Variants in VPS54 observed in about 807,000 individuals in gnomAD.
VPS54 encodes VPS54 subunit of GARP complex.
Under a neutral mutation model 121.5 loss-of-function variants are expected in VPS54, and 45 were observed. The ratio of observed to expected loss-of-function variants is 0.37; its 90% CI spans 0.29 to 0.47. The LOEUF is 0.47. Among genes scored for constraint, VPS54 ranks in the 20% least tolerant of loss-of-function variants. VPS54 has a pLI of 0.99. For synonymous variants in VPS54, 371 were observed against 385.8 expected (o/e 0.96, Z 0.45); for missense variants, 1,090 against 1,131.4 (o/e 0.96, Z 0.52).
chr2:64,007,096 A>G (rs985355755), intron 1 of VPS54, among the ~76,000 whole-genome samples: 4 of 152,246 alleles, frequency 2.6e-5, no homozygotes, highest in African/African-American at 9.6e-5. Flanking sequence ...GAGGGAAAAC[A>G]GCAATAACAA....
chr2:64,015,122 G>C (rs1316337229), intron 1 of VPS54, among the ~76,000 whole-genome samples: 2 of 142,328 alleles, frequency 1.4e-5, no homozygotes, highest in Admixed American at 7.0e-5. Flanking sequence ...AAGCTGCCAG[G>C]AAAAAAAAAA....
At chr2:64,007,687 G>A (rs1678224886) in intron 1 of VPS54, among the ~76,000 whole-genome samples, 1 of 152,196 alleles carries the variant, frequency 6.6e-6, no homozygotes, top group South Asian at 2.1e-4. Flanking sequence ...TCACAGGAAA[G>A]TGATATTACA....
chr2:63,924,294 T>TA (rs1673793729), intron 12 of VPS54, among the ~76,000 whole-genome samples: 2 of 152,214 alleles, frequency 1.3e-5, no homozygotes, highest in Non-Finnish European at 2.9e-5. Context: ...CCCTTATAGC[T>TA]AGACATAGTC....
chr2:63,989,644 G>T (rs1677222472), intron 1 of VPS54, among the ~76,000 whole-genome samples: 1 of 152,200 alleles, frequency 6.6e-6, no homozygotes, highest in Non-Finnish European at 1.5e-5. Context: ...TCGGTCCACA[G>T]AAATGCTTGT....
At chr2:63,911,788 G>A (rs959854660) in intron 20 of VPS54, among the ~76,000 whole-genome samples, 3 of 152,182 alleles carry the variant, frequency 2.0e-5, no homozygotes, top group South Asian at 2.1e-4. Context: ...TTCAAGTTAC[G>A]AAATTTTGGC....
rs182737619 is a variant in VPS54 at position 63,984,505 on chromosome 2, G to A, written c.-20-486C>T. On this transcript the variant is annotated intron_variant, in intron 1 of 22. Transcript: ENST00000272322. ...TCATCAACATCCTGTTACCAATTATGAGAATGGACATAATAAGTAAAGCAT... is the reference window on the plus strand; with the variant it reads ...TCATCAACATCCTGTTACCAATTATAAGAATGGACATAATAAGTAAAGCAT... Among the ~76,000 whole-genome samples the A allele has an allele frequency of 3.1e-4, 47 of 152,304 alleles. No homozygotes were observed. The East Asian group carries it at 7.3e-3, about 24-fold the overall frequency.
At chr2:63,914,315 G>A in intron 16 of VPS54, 28 bp from the exon 17 acceptor site, 2 of 1,466,204 alleles carry the variant, frequency 1.4e-6, no homozygotes, top group Middle Eastern at 1.8e-4. Flanking sequence ...TGGCCCAATA[G>A]GAAATCAAAA....
chr2:63,903,918 A>C (rs1376705428), intron 20 of VPS54, among the ~76,000 whole-genome samples: 1 of 152,132 alleles, frequency 6.6e-6, no homozygotes, highest in African/African-American at 2.4e-5. Context: ...AAACAATTTA[A>C]ATGGTTTAAT....
chr2:63,957,189 T>C (rs113869241), intron 7 of VPS54, among the ~76,000 whole-genome samples: 19,612 of 152,090 alleles, frequency 0.13, 1,410 homozygotes, highest in Middle Eastern at 0.19. Flanking sequence ...ACACCTGTAA[T>C]CCCAGCACTT....
At chr2:63,898,987 T>C (rs1482919104) in intron 21 of VPS54, among the ~76,000 whole-genome samples, 1 of 152,178 alleles carries the variant, frequency 6.6e-6, no homozygotes, top group African/African-American at 2.4e-5. Context: ...CCCTCCATTT[T>C]GCTCTTTTTC....
At chr2:63,993,574 T>G (rs929036273) in intron 1 of VPS54, among the ~76,000 whole-genome samples, 2 of 152,232 alleles carry the variant, frequency 1.3e-5, no homozygotes, top group African/African-American at 4.8e-5. Context: ...TTGGACAGAC[T>G]CGGTGTAGAA....
chr2:63,924,735 A>C (rs2104460701), intron 12 of VPS54, among the ~76,000 whole-genome samples: 1 of 152,334 alleles, frequency 6.6e-6, no homozygotes, highest in Non-Finnish European at 1.5e-5. Context: ...GTAAAGACAG[A>C]AAAATGAACG....
intron 11 of VPS54, among the ~76,000 whole-genome samples, chr2:63,935,609 G>A (rs1674419005): frequency 6.6e-6 from 1 of 152,060 alleles, no homozygotes; most frequent in Non-Finnish European, 1.5e-5. Context: ...TGGTACAACA[G>A]CCATATAATT....
At chr2:64,013,302 G>C (rs913975688) in intron 1 of VPS54, among the ~76,000 whole-genome samples, 4 of 152,110 alleles carry the variant, frequency 2.6e-5, no homozygotes, top group Admixed American at 6.6e-5. Context: ...GACCAATTCA[G>C]AATGTGGAAC....
intron 12 of VPS54, among the ~76,000 whole-genome samples, chr2:63,925,623 A>C (rs1327132405): frequency 2.6e-5 from 4 of 152,252 alleles, no homozygotes; most frequent in African/African-American, 9.6e-5. Context: ...ACATACATAC[A>C]TTGTGGTGTA....
rs760769538 is a variant in VPS54, at chr2:63,942,825, A to G, written c.1302-264T>C. Among the ~76,000 whole-genome samples, 5 of 152,216 alleles carry G rather than the reference A, an allele frequency of 3.3e-5. No homozygotes were observed. The East Asian group carries it at 7.7e-4, about 23-fold the overall frequency. Reference sequence around the variant, plus strand: ...CATTGAATGAATAAACCATAGAGAAATAAGTGTGAAGATATACTCTGGAAT... The same window carrying G: ...CATTGAATGAATAAACCATAGAGAAGTAAGTGTGAAGATATACTCTGGAAT... On this transcript the variant is annotated intron_variant, in intron 10 of 22. Transcript: ENST00000272322.
intron 9 of VPS54, among the ~76,000 whole-genome samples, chr2:63,945,436 G>A (rs1427390954): frequency 1.3e-5 from 2 of 152,068 alleles, no homozygotes; most frequent in Non-Finnish European, 2.9e-5. Flanking sequence ...AATAACTAAT[G>A]GGTACTAGGC....
At chr2:63,940,364 G>C (rs532403371) in intron 11 of VPS54, among the ~76,000 whole-genome samples, 2 of 152,274 alleles carry the variant, frequency 1.3e-5, no homozygotes, top group Admixed American at 6.5e-5. Flanking sequence ...ATAAGTACTA[G>C]TTTAAGTGGT....
At chr2:63,940,315 A>G (rs978690127) in intron 11 of VPS54, among the ~76,000 whole-genome samples, 2 of 152,186 alleles carry the variant, frequency 1.3e-5, no homozygotes, top group African/African-American at 4.8e-5. Flanking sequence ...TTCACAGAAA[A>G]AAGTACCATA....
Sources: allele counts gnomAD v4.1 joint callset (sites outside exome capture counted in the v4.1 genomes callset), GRCh38; gene constraint gnomAD v4.1.1; transcripts MANE v1.5; gene names NCBI Gene and HGNC (gene_info 2026-07-23, HGNC 2026-07-21).